The following C6 variants were observed in gnomAD, a reference collection of about 807,000 sequenced individuals.
C6 encodes complement C6, also known as complement component C6.
A neutral mutation model predicts 112.9 loss-of-function variants in C6; 101 were observed. That is an observed-to-expected ratio of 0.89 (90% confidence interval 0.76 to 1.06). C6 has a LOEUF of 1.06. Among genes scored for constraint, C6 ranks in the 50% least tolerant of loss-of-function variants. C6 has a pLI of 0.00. For synonymous variants in C6, 431 were observed against 384.1 expected, an observed-to-expected ratio of 1.12 and a Z score of -1.43; for missense variants, 1,202 against 1,104.6, an observed-to-expected ratio of 1.09 and a Z score of -1.25.
At chr5:41,215,150 T>G (rs10473239), upstream of C6, among the ~76,000 whole-genome samples, 16,389 of 152,128 alleles carry the variant, frequency 0.11, 859 homozygotes, top group African/African-American at 0.14. Context: ...GTAAATAACG[T>G]TTTATAGGAA....
intron 7 of C6, among the ~76,000 whole-genome samples, chr5:41,178,939 C>T (rs1390400385): frequency 7.9e-5 from 12 of 151,318 alleles, no homozygotes; most frequent in South Asian, 2.1e-4. Context: ...CTGCAACCTC[C>T]GCCTCCCGGG....
chr5:41,244,894 G>C (rs1186731991), intron 1 of C6, among the ~76,000 whole-genome samples: 1 of 152,088 alleles, frequency 6.6e-6, no homozygotes, highest in Non-Finnish European at 1.5e-5. Context: ...TGCTTTCTCT[G>C]CATCTAATGA....
chr5:41,173,594 A>C (rs1019880347), intron 8 of C6, among the ~76,000 whole-genome samples: 1 of 152,136 alleles, frequency 6.6e-6, no homozygotes, highest in Non-Finnish European at 1.5e-5. Flanking sequence ...ATAAGCTCTT[A>C]AGCACCTAAA....
chr5:41,224,751 A>G (rs2150407376), intron 1 of C6, among the ~76,000 whole-genome samples: 1 of 152,214 alleles, frequency 6.6e-6, no homozygotes, highest in South Asian at 2.1e-4. Flanking sequence ...TTTCAATTCT[A>G]CTGAATATAT....
intron 1 of C6, among the ~76,000 whole-genome samples, chr5:41,211,375 C>G (rs2150392064): frequency 6.6e-6 from 1 of 152,116 alleles, no homozygotes; most frequent in Non-Finnish European, 1.5e-5. Flanking sequence ...TACCCTAGAA[C>G]TTAAAGTATA....
chr5:41,143,539 T>C (rs1166939944), intron 17 of C6, among the ~76,000 whole-genome samples: 2 of 152,254 alleles, frequency 1.3e-5, no homozygotes, highest in Non-Finnish European at 2.9e-5. Flanking sequence ...CCACACAATA[T>C]GCCAAGCACT....
At position 41,142,309 on chromosome 5, in the gene C6, G is replaced by C. The variant is rs1034340933; in HGVS notation, c.*516C>G. ...GAATGTATGCTTCATGAAGGCAAAG[G>C]CTTTTGTCTGTTTTATTATCTGCCG... On this transcript the variant is annotated 3_prime_UTR_variant, in exon 18 of 18. Coordinates refer to ENST00000337836, the MANE Select transcript of C6 (RefSeq NM_000065.5). 1 of 159,314 alleles carries C rather than the reference G, an allele frequency of 6.3e-6. No homozygotes were observed. Among genetic ancestry groups the C allele is most frequent in the African/African-American group, 2.4e-5 (1 of 41,472 alleles). The allele number at this position is 159,314 out of a possible 1,614,324, so 9.9% of individuals were successfully genotyped here.
At chr5:41,173,782 G>A (rs930928602) in intron 8 of C6, among the ~76,000 whole-genome samples, 1 of 152,076 alleles carries the variant, frequency 6.6e-6, no homozygotes, top group Admixed American at 6.6e-5. Context: ...CTCATTTTTT[G>A]TGACAGTTTT....
intron 1 of C6, among the ~76,000 whole-genome samples, chr5:41,206,694 TGAAC>T (rs1304673879): frequency 3.9e-5 from 6 of 152,020 alleles, no homozygotes; most frequent in African/African-American, 1.4e-4. Context: ...TAAAAAGAAA[TGAAC>T]GAAGCCTCCA....
At chr5:41,212,617 C>T (rs1425752821) in intron 1 of C6, among the ~76,000 whole-genome samples, 2 of 152,034 alleles carry the variant, frequency 1.3e-5, no homozygotes, top group African/African-American at 2.4e-5. Context: ...CATTACTGTA[C>T]AATTTTCATA....
At chr5:41,151,584 A>G (rs1746397197) in intron 15 of C6, among the ~76,000 whole-genome samples, 1 of 152,186 alleles carries the variant, frequency 6.6e-6, no homozygotes, top group Non-Finnish European at 1.5e-5. Flanking sequence ...AGTCTGTGCT[A>G]AAGATTTAAA....
At chr5:41,216,503 C>T (rs1041689811), upstream of C6, among the ~76,000 whole-genome samples, 2 of 152,050 alleles carry the variant, frequency 1.3e-5, no homozygotes, top group African/African-American at 4.8e-5. Context: ...GTATTGATTG[C>T]TTCCTAGTCC....
chr5:41,197,900 G>A (rs1443760358), intron 4 of C6, among the ~76,000 whole-genome samples: 3 of 152,152 alleles, frequency 2.0e-5, no homozygotes, highest in Admixed American at 6.6e-5. Context: ...AGGATTTGCA[G>A]AAGTCAGCAT....
intron 9 of C6, among the ~76,000 whole-genome samples, chr5:41,169,900 T>C (rs1748285914): frequency 6.6e-6 from 1 of 152,198 alleles, no homozygotes; most frequent in African/African-American, 2.4e-5. Context: ...TTAAGTTCCA[T>C]TAAAATATCC....
chr5:41,239,814 C>T (rs907324939), intron 1 of C6, among the ~76,000 whole-genome samples: 1 of 152,268 alleles, frequency 6.6e-6, no homozygotes, highest in Middle Eastern at 3.4e-3. Context: ...TAAATTCCCT[C>T]AGTTTTTGCT....
At chr5:41,154,587 A>G (rs745637648) in intron 14 of C6, among the ~76,000 whole-genome samples, 3 of 152,184 alleles carry the variant, frequency 2.0e-5, no homozygotes, top group Non-Finnish European at 2.9e-5. Context: ...ATCTTACACA[A>G]ATTCCCATTT....
intron 17 of C6, among the ~76,000 whole-genome samples, chr5:41,145,106 G>A (rs191306669): frequency 6.8e-4 from 104 of 152,302 alleles, no homozygotes; most frequent in African/African-American, 2.4e-3. Context: ...ACCCAGTAAT[G>A]GGAATGCTGG....
In C6 at chr5:41,176,531, AG is replaced by A. The variant is rs988173458; in HGVS notation, c.1111del (p.Leu371TrpfsTer16). On this transcript the variant is annotated frameshift_variant, in exon 8 of 18. Transcript: ENST00000337836. LOFTEE classifies it high-confidence loss of function. Reference protein sequence around the residue: ...FGTHYFTSGSLGGVYDLLYQF... With the variant: ...FGTHYFTSGSXGGVYDLLYQF... ...ATAGAGAAGGTCATACACGCCTCCC[AG>A]GGAGCCAGAGGTGAAGTAATGAGTC... 1 of 1,613,720 alleles carries A rather than the reference AG, an allele frequency of 6.2e-7. No individual in the cohort carries two copies. The highest frequency in any genetic ancestry group is 8.5e-7 in the Non-Finnish European group (1 of 1,179,838).
intron 9 of C6, among the ~76,000 whole-genome samples, chr5:41,162,574 T>C (rs183171161): frequency 2.8e-4 from 43 of 152,300 alleles, no homozygotes; most frequent in Admixed American, 1.3e-3. Context: ...AAATGGTAAC[T>C]CTAACTAACA....
Sources: gnomAD v4.1 joint callset for allele counts (sites outside exome capture counted in the v4.1 genomes callset) on GRCh38, gnomAD v4.1.1 for gene constraint, MANE v1.5 for transcripts, NCBI Gene and HGNC (gene_info 2026-07-23, HGNC 2026-07-21) for gene names.